Variants in KHDRBS2 observed in about 807,000 individuals in gnomAD.
KHDRBS2 encodes the protein KH RNA binding domain containing, signal transduction associated 2.
In KHDRBS2, 26 loss-of-function variants were observed where a neutral mutation model predicts 44.3. That is an observed-to-expected ratio of 0.59 (90% CI 0.43 to 0.81). The LOEUF is 0.81. KHDRBS2 is among the 40% of genes least tolerant of loss of function. The pLI, the probability that KHDRBS2 is intolerant of heterozygous loss-of-function variation, is 0.00. For missense variants in KHDRBS2, 476 were observed against 433.1 expected, an observed-to-expected ratio of 1.10 and a Z score of -0.88; for synonymous variants, 194 against 151.1, an observed-to-expected ratio of 1.28 and a Z score of -2.08.
At chr6:61,728,315 T>A (rs371119610) in intron 7 of KHDRBS2, among the ~76,000 whole-genome samples, 12 of 151,866 alleles carry the variant, frequency 7.9e-5, no homozygotes, top group African/African-American at 2.7e-4. Flanking sequence ...AGGGAGGGCA[T>A]CAGGAAGAAT....
intron 3 of KHDRBS2, among the ~76,000 whole-genome samples, chr6:61,989,811 G>C (rs1775789445): frequency 6.6e-6 from 1 of 152,154 alleles, no homozygotes; most frequent in South Asian, 2.1e-4. Flanking sequence ...CATGCAATCA[G>C]CATTGATTTG....
chr6:61,656,516 GTATATT>G, the KHDRBS2 span, among the ~76,000 whole-genome samples: 2 of 151,834 alleles, frequency 1.3e-5, no homozygotes, highest in East Asian at 3.9e-4. Context: ...TTACAGAGAC[GTATATT>G]TATATTGCGT....
At chr6:61,798,457 T>C (rs1460033018) in intron 6 of KHDRBS2, among the ~76,000 whole-genome samples, 1 of 152,112 alleles carries the variant, frequency 6.6e-6, no homozygotes, top group Non-Finnish European at 1.5e-5. Context: ...GAAGAGTAAT[T>C]AGTCACGGTC....
chr6:61,762,488 A>G (rs1036045545), intron 6 of KHDRBS2, among the ~76,000 whole-genome samples: 1 of 152,138 alleles, frequency 6.6e-6, no homozygotes, highest in African/African-American at 2.4e-5. Flanking sequence ...GTAATGAGTG[A>G]GTTCTTGCTC....
chr6:61,850,943 G>A (rs1163186583), intron 6 of KHDRBS2, among the ~76,000 whole-genome samples: 2 of 152,130 alleles, frequency 1.3e-5, no homozygotes, highest in Admixed American at 1.3e-4. Flanking sequence ...TTGGGAGAAA[G>A]TTGCAGATTA....
At chr6:62,266,392 A>G (rs971278449) in intron 1 of KHDRBS2, among the ~76,000 whole-genome samples, 2 of 151,976 alleles carry the variant, frequency 1.3e-5, no homozygotes, top group South Asian at 2.1e-4. Context: ...ATTGCCTCCT[A>G]GGAGCTGCTC....
chr6:62,108,900 A>G (rs949983134), intron 2 of KHDRBS2, among the ~76,000 whole-genome samples: 1 of 152,140 alleles, frequency 6.6e-6, no homozygotes, highest in Non-Finnish European at 1.5e-5. Flanking sequence ...GAACAATGAG[A>G]ACACATGGAC....
intron 2 of KHDRBS2, among the ~76,000 whole-genome samples, chr6:62,143,986 T>G (rs1160766609): frequency 6.6e-6 from 1 of 151,874 alleles, no homozygotes; most frequent in East Asian, 1.9e-4. Flanking sequence ...AAACAAAATA[T>G]AAGCCCACTC....
intron 2 of KHDRBS2, among the ~76,000 whole-genome samples, chr6:62,099,505 C>G (rs1801383911): frequency 6.6e-6 from 1 of 152,178 alleles, no homozygotes; most frequent in Non-Finnish European, 1.5e-5. Flanking sequence ...ATATATTCTG[C>G]TGGGTCTGTG....
intron 2 of KHDRBS2, among the ~76,000 whole-genome samples, chr6:62,061,657 G>C (rs1286961812): frequency 6.6e-6 from 1 of 151,078 alleles, no homozygotes; most frequent in Non-Finnish European, 1.5e-5. Context: ...GTGTCTTGGA[G>C]TTGCTCTTCT....
At chr6:62,159,700 TC>T (rs1292167920) in intron 2 of KHDRBS2, among the ~76,000 whole-genome samples, 3 of 152,172 alleles carry the variant, frequency 2.0e-5, no homozygotes, top group African/African-American at 7.2e-5. Context: ...TAACATAAAG[TC>T]AATTAACACA....
intron 1 of KHDRBS2, among the ~76,000 whole-genome samples, chr6:62,247,806 T>A (rs1048497742): frequency 6.6e-6 from 1 of 152,136 alleles, no homozygotes; most frequent in Non-Finnish European, 1.5e-5. Context: ...AAGGAACTAA[T>A]ACTTTCACTC....
chr6:62,082,722 A>C (rs1797640153), intron 2 of KHDRBS2, among the ~76,000 whole-genome samples: 1 of 152,114 alleles, frequency 6.6e-6, no homozygotes, highest in Admixed American at 6.6e-5. Context: ...CCTGTGTAGG[A>C]AACAGGTATA....
At chr6:62,049,043 G>T in intron 2 of KHDRBS2, among the ~76,000 whole-genome samples, 1 of 150,486 alleles carries the variant, frequency 6.6e-6, no homozygotes, top group African/African-American at 2.4e-5. Flanking sequence ...ATAGTTAATG[G>T]TATAAAACTC....
chr6:61,607,520 C>CAAAAAAAAAAAAAAAAAAAAAA, the KHDRBS2 span, among the ~76,000 whole-genome samples: 2 of 41,098 alleles, frequency 4.9e-5, no homozygotes, highest in African/African-American at 1.8e-4. Context: ...GAGTTCCAAG[C>CAAAAAAAAAAAAAAAAAAAAAA]AAAAAAAAAA....
At chr6:62,205,975 G>A (rs1050909846) in intron 1 of KHDRBS2, among the ~76,000 whole-genome samples, 3 of 152,168 alleles carry the variant, frequency 2.0e-5, no homozygotes, top group African/African-American at 7.2e-5. Flanking sequence ...GGGAAATGAT[G>A]AATTTTAGTT....
intron 6 of KHDRBS2, among the ~76,000 whole-genome samples, chr6:61,771,670 C>T (rs570021141): frequency 6.6e-6 from 1 of 152,138 alleles, no homozygotes; most frequent in South Asian, 2.1e-4. Flanking sequence ...AATACAGGAG[C>T]ACCCAGATTC....
chr6:61,977,380 T>A (rs1772894864), intron 4 of KHDRBS2, among the ~76,000 whole-genome samples: 2 of 152,202 alleles, frequency 1.3e-5, no homozygotes, highest in Admixed American at 1.3e-4. Context: ...GAAAGCTTCA[T>A]TCATTTAACC....
chr6:61,796,613 A>G (rs984233512), intron 6 of KHDRBS2, among the ~76,000 whole-genome samples: 2 of 152,124 alleles, frequency 1.3e-5, no homozygotes, highest in Non-Finnish European at 2.9e-5. Context: ...GAAAAGTAAT[A>G]TAGTGCATAA....
Sources: gnomAD v4.1 joint callset for allele counts (sites outside exome capture counted in the v4.1 genomes callset) on GRCh38, gnomAD v4.1.1 for gene constraint, MANE v1.5 for transcripts, NCBI Gene and HGNC (gene_info 2026-07-23, HGNC 2026-07-21) for gene names.